LGALS8: variants seen among roughly 807,000 people sequenced by gnomAD.
LGALS8 encodes the protein galectin-8.
In LGALS8, 30 loss-of-function variants were observed where a neutral mutation model predicts 35.9. The ratio of observed to expected loss-of-function variants is 0.83; its 90% confidence interval spans 0.62 to 1.13. The LOEUF is 1.13. Among genes scored for constraint, LGALS8 ranks in the 50% most tolerant of loss-of-function variants. The pLI, the probability that LGALS8 is intolerant of heterozygous loss-of-function variation, is 0.00. For synonymous variants in LGALS8, 138 were observed against 136.1 expected, an observed-to-expected ratio of 1.01 and a Z score of -0.10; for missense variants, 366 against 388.7, an observed-to-expected ratio of 0.94 and a Z score of 0.49.
chr1:236,545,100 TAG>T, intron 9 of LGALS8, 185 bp downstream of exon 9: 1 of 476,458 alleles, frequency 2.1e-6, no homozygotes, highest in Non-Finnish European at 3.7e-6. Context: ...GCAAAGCCAG[TAG>T]AGTGTCAAAT....
In LGALS8 at chr1:236,544,736, T is replaced by C; in HGVS notation, c.639-14T>C. On this transcript the variant is annotated splice_polypyrimidine_tract_variant and intron_variant, in intron 8 of 9. Coordinates refer to ENST00000366584, the MANE Select transcript of LGALS8 (RefSeq NM_201544.4). ...GGTTAATTAAGGTTTTTTTTTTTCT[T>C]TCTTTCTCAAAAGCTTTAATGTTGA... 1 of 1,571,834 alleles carries C rather than the reference T, an allele frequency of 6.4e-7. No homozygotes were observed. Among genetic ancestry groups the C allele is most frequent in the Non-Finnish European group, 8.6e-7 (1 of 1,164,620 alleles).
At chr1:236,532,333 C>G (rs1306713938) in intron 2 of LGALS8, among the ~76,000 whole-genome samples, 2 of 152,140 alleles carry the variant, frequency 1.3e-5, no homozygotes, top group African/African-American at 4.8e-5. Context: ...TAGAAACCAC[C>G]GAGCCTTTGC....
At chr1:236,542,841 GA>G in intron 7 of LGALS8, 54 bp downstream of exon 7, 1 of 1,614,034 alleles carries the variant, frequency 6.2e-7, no homozygotes, top group Non-Finnish European at 8.5e-7. Context: ...AAGTTGCATA[GA>G]AAATGAACAG....
chr1:236,546,366 C>G (rs527508974), intron 9 of LGALS8, among the ~76,000 whole-genome samples: 34 of 152,350 alleles, frequency 2.2e-4, no homozygotes, highest in Non-Finnish European at 3.8e-4. Flanking sequence ...GCTTCCATCT[C>G]TTGCCTTTTA....
intron 2 of LGALS8, among the ~76,000 whole-genome samples, chr1:236,532,337 C>T (rs868483734): frequency 6.6e-6 from 1 of 152,140 alleles, no homozygotes; most frequent in African/African-American, 2.4e-5. Context: ...AACCACCGAG[C>T]CTTTGCTGCC....
chr1:236,528,401 C>CG (rs1558155791), intron 2 of LGALS8, among the ~76,000 whole-genome samples: 7 of 141,824 alleles, frequency 4.9e-5, no homozygotes, highest in Non-Finnish European at 9.4e-5. Flanking sequence ...AAAACCCCCC[C>CG]ACACACAAAA....
At chr1:236,520,744 A>AT (rs1660526834), upstream of LGALS8, among the ~76,000 whole-genome samples, 2 of 152,032 alleles carry the variant, frequency 1.3e-5, no homozygotes, top group South Asian at 4.2e-4. Context: ...GTCCGAGGTG[A>AT]TTTTCTCCCA....
At chr1:236,546,858 C>T (rs914506109) in intron 9 of LGALS8, among the ~76,000 whole-genome samples, 1 of 152,192 alleles carries the variant, frequency 6.6e-6, no homozygotes, top group African/African-American at 2.4e-5. Context: ...GGATTCCCAC[C>T]ATTCTTGTGG....
intron 6 of LGALS8, chr1:236,542,440 A>G: frequency 2.8e-6 from 1 of 351,344 alleles, no homozygotes; most frequent in East Asian, 5.6e-5. Context: ...TGATTGAGCC[A>G]CTGCATCCCA....
chr1:236,552,097 G>A lies in LGALS8; in HGVS notation c.*3936G>A, dbSNP rs530544216. ...CAGTGCTAACACAGTAATCAAAGCAGCAAATCGAACCTGAAAGGGATAAAA... is the reference window on the plus strand; with the variant it reads ...CAGTGCTAACACAGTAATCAAAGCAACAAATCGAACCTGAAAGGGATAAAA... On this transcript the variant is annotated 3_prime_UTR_variant, in exon 10 of 10. Transcript: ENST00000366584. 1.2e-6 allele frequency: 2 copies of A among 1,608,640 alleles called. No homozygotes were observed. The highest frequency in any genetic ancestry group is 8.5e-7 in the Non-Finnish European group (1 of 1,176,208).
intron 2 of LGALS8, among the ~76,000 whole-genome samples, chr1:236,531,378 C>T (rs1373508883): frequency 6.6e-6 from 1 of 152,124 alleles, no homozygotes; most frequent in Non-Finnish European, 1.5e-5. Context: ...GGCTGGAGTG[C>T]AGTGGCATGA....
chr1:236,523,434 C>T (rs1660615158), upstream of LGALS8: 1 of 155,998 alleles, frequency 6.4e-6, no homozygotes, highest in Non-Finnish European at 1.4e-5. Flanking sequence ...TCTTCTGGCA[C>T]TGTCTGGACT....
At chr1:236,531,476 AC>A (rs1396062141) in intron 2 of LGALS8, among the ~76,000 whole-genome samples, 2 of 151,994 alleles carry the variant, frequency 1.3e-5, no homozygotes, top group African/African-American at 2.4e-5. Flanking sequence ...GGCGCCCGCC[AC>A]CCACGCCTGG....
chr1:236,518,779 A>T (rs1464353285), upstream of LGALS8, among the ~76,000 whole-genome samples: 1 of 152,110 alleles, frequency 6.6e-6, no homozygotes, highest in Non-Finnish European at 1.5e-5. Context: ...TGTATTCCAA[A>T]ATTATTGAGT....
At position 236,549,839 on chromosome 1, in the gene LGALS8, C is replaced by CTAT. The variant is rs1397097040; in HGVS notation, c.*1681_*1683dup. ...ACGTGGAGGAAAAAAATTTAAAAAG[C>CTAT]TATTAGTATTTATTAATGAATTTTA... On this transcript the variant is annotated 3_prime_UTR_variant, in exon 10 of 10. Coordinates refer to ENST00000366584, the MANE Select transcript of LGALS8 (RefSeq NM_201544.4). The CTAT allele has an allele frequency of 1.3e-5, 2 of 152,092 alleles. No homozygotes were observed. The highest frequency in any genetic ancestry group is 2.9e-5 in the Non-Finnish European group (2 of 68,018). The allele number at this position is 152,092 out of a possible 1,614,324, so 9.4% of individuals were successfully genotyped here.
Position 236,524,062 on chromosome 1 carries a change from GT to G in LGALS8, c.-104+2del. On this transcript the variant is annotated splice_donor_variant, in intron 1 of 9. Transcript: ENST00000366584. LOFTEE classifies it low-confidence loss of function (5UTR_SPLICE). Reference sequence around the variant, plus strand: ...GAGCGCCTGAAACACCAGTCTTTGGGTGAGTCGCGCGACCCCCGGCCTCGGG... The same window carrying G: ...GAGCGCCTGAAACACCAGTCTTTGGGGAGTCGCGCGACCCCCGGCCTCGGG... 1 of 454,494 alleles carries G rather than the reference GT, an allele frequency of 2.2e-6. No homozygotes were observed. Among genetic ancestry groups the G allele is most frequent in the South Asian group, 1.6e-5 (1 of 64,400 alleles). The allele number at this position is 454,494 out of a possible 1,614,324, so 28.2% of individuals were successfully genotyped here. A position where few individuals can be genotyped will look rare whatever the true frequency, so the allele number is the denominator to read the frequency against.
intron 2 of LGALS8, among the ~76,000 whole-genome samples, chr1:236,528,312 G>A (rs1296640870): frequency 2.6e-5 from 4 of 151,268 alleles, no homozygotes; most frequent in Non-Finnish European, 5.9e-5. Flanking sequence ...AACCTGGGAG[G>A]CGGAGGTTGC....
upstream of LGALS8, chr1:236,523,331 T>C (rs1267309556): frequency 2.0e-5 from 3 of 152,218 alleles, no homozygotes. Context: ...ATGGGGAGCT[T>C]GGGCTGGGCA....
chr1:236,520,060 G>A (rs914944400), upstream of LGALS8, among the ~76,000 whole-genome samples: 7 of 147,274 alleles, frequency 4.8e-5, no homozygotes, highest in East Asian at 2.0e-4. Context: ...GGGTTCAAGC[G>A]ATTCTCATGC....
Sources: gnomAD v4.1 joint callset for allele counts (sites outside exome capture counted in the v4.1 genomes callset) on GRCh38, gnomAD v4.1.1 for gene constraint, MANE v1.5 for transcripts, NCBI Gene and HGNC (gene_info 2026-07-23, HGNC 2026-07-21) for gene names.